The following ZFHX4 variants were observed in gnomAD, a reference collection of about 807,000 sequenced individuals.
ZFHX4 encodes zinc finger homeobox 4.
A neutral mutation model predicts 267.6 loss-of-function variants in ZFHX4; 56 were observed. The observed-to-expected ratio is 0.21, with a 90% CI of 0.17 to 0.26. The LOEUF (loss-of-function observed/expected upper bound fraction) is 0.26. Among genes scored for constraint, ZFHX4 ranks in the 10% least tolerant of loss-of-function variants. ZFHX4 has a pLI of 1.00. For missense variants in ZFHX4, 4,332 were observed against 4,420.0 expected, an observed-to-expected ratio of 0.98 and a Z score of 0.56; for synonymous variants, 1,778 against 1,665.6, an observed-to-expected ratio of 1.07 and a Z score of -1.64.
intron 3 of ZFHX4, among the ~76,000 whole-genome samples, chr8:76,738,916 T>G (rs1809244281): frequency 6.6e-6 from 1 of 152,028 alleles, no homozygotes; most frequent in African/African-American, 2.4e-5. Flanking sequence ...GGTTTTACCA[T>G]GTTGCCCAGG....
intron 3 of ZFHX4, among the ~76,000 whole-genome samples, chr8:76,712,496 A>T (rs1033834712): frequency 1.3e-5 from 2 of 152,166 alleles, no homozygotes; most frequent in African/African-American, 4.8e-5. Context: ...TGCAATTTAA[A>T]ATCAAATATA....
chr8:76,790,647 G>T (rs1366777011), intron 4 of ZFHX4, among the ~76,000 whole-genome samples: 1 of 152,042 alleles, frequency 6.6e-6, no homozygotes, highest in South Asian at 2.1e-4. Context: ...AATCAAGTTT[G>T]GTCTTCTGTG....
At position 76,854,671 on chromosome 8, in the gene ZFHX4, G is replaced by C. The variant is rs774272950; in HGVS notation, c.7750G>C (p.Asp2584His). The change falls in exon 10 of 11, where the codon GAT becomes CAT. Residue 2584 changes from aspartate (D) to histidine (H), a missense_variant. Physicochemically the swap from Asp to His is moderately conservative, Grantham distance 81. Transcript: ENST00000651372. ...TGCTTCCCTAAAAAGGAAACTAGAC[G>C]ATAAAGAAGATAATAATTGCAGTGA... ...VAASLKRKLD[D>H]KEDNNCSEKE... 4.4e-5 allele frequency: 71 copies of C among 1,613,508 alleles called. No individual in the cohort carries two copies. Among genetic ancestry groups the C allele is most frequent in the Non-Finnish European group, 5.7e-5 (67 of 1,179,852 alleles).
In ZFHX4 at chr8:76,705,536, A is replaced by C; in HGVS notation, c.1448A>C (p.Asp483Ala). The change falls in exon 2 of 11, where the codon GAT becomes GCT. Residue 483 changes from aspartate to alanine, a missense_variant. This residue lies in a region of ZFHX4 where 1,195 missense variants were observed against 1,173.6 expected (regional missense o/e 1.02). Transcript: ENST00000651372. ...GAAGATGCGTACTCCAATGAACTTG[A>C]TGACGAGGAAGTATTAGGTGAACTC... ...DEEDAYSNEL[D>A]DEEVLGELTD... The C allele has an allele frequency of 6.2e-7, 1 of 1,613,628 alleles. No individual in the cohort carries two copies. Among genetic ancestry groups the C allele is most frequent in the Non-Finnish European group, 8.5e-7 (1 of 1,179,696 alleles).
chr8:76,851,817 G>A lies in ZFHX4; in HGVS notation c.4896G>A (p.Val1632=). 2 of 1,613,932 alleles carry A rather than the reference G, an allele frequency of 1.2e-6. No individual in the cohort carries two copies. Among genetic ancestry groups the A allele is most frequent in the Non-Finnish European group, 1.7e-6 (2 of 1,179,864 alleles). ...RAAKLEPSGH[V]AGGHSIAANV... is the part of the protein sequence containing the mutation. ...CAAAGCTGGAGCCCAGTGGTCATGT[G>A]GCTGGTGGGCACAGCATTGCAGCAA... Residue 1632 remains valine, a synonymous_variant, in exon 10 of 11, where the codon GTG becomes GTA. Transcript: ENST00000651372.
At chr8:76,703,977 TG>T in intron 1 of ZFHX4, 65 bp from the exon 2 acceptor site, 2 of 1,094,018 alleles carry the variant, frequency 1.8e-6, no homozygotes, top group Non-Finnish European at 2.6e-6. Flanking sequence ...AAATTAGTGA[TG>T]GGCTATTAGT....
At chr8:76,753,138 C>A (rs550278608) in intron 3 of ZFHX4, among the ~76,000 whole-genome samples, 1 of 152,236 alleles carries the variant, frequency 6.6e-6, no homozygotes, top group Non-Finnish European at 1.5e-5. Context: ...ATCCATAAGT[C>A]AACAACATAG....
At chr8:76,796,183 A>G (rs748371260) in intron 4 of ZFHX4, among the ~76,000 whole-genome samples, 24 of 151,420 alleles carry the variant, frequency 1.6e-4, no homozygotes, top group Non-Finnish European at 3.2e-4. Flanking sequence ...ATTGGGAAAT[A>G]ATGAAAATGA....
intron 3 of ZFHX4, among the ~76,000 whole-genome samples, chr8:76,736,082 G>T (rs1165962761): frequency 6.6e-6 from 1 of 151,746 alleles, no homozygotes; most frequent in Non-Finnish European, 1.5e-5. Flanking sequence ...AAAGCAAGAT[G>T]CCATTAAAAT....
intron 4 of ZFHX4, among the ~76,000 whole-genome samples, chr8:76,806,287 A>G (rs1811243749): frequency 6.6e-6 from 1 of 152,122 alleles, no homozygotes; most frequent in Non-Finnish European, 1.5e-5. Context: ...ATAACGAGTG[A>G]ACACAGGGAA....
At chr8:76,810,109 A>C (rs1811338649) in intron 4 of ZFHX4, among the ~76,000 whole-genome samples, 1 of 152,192 alleles carries the variant, frequency 6.6e-6, no homozygotes. Flanking sequence ...ACATAGTTTT[A>C]ACATTTGTTA....
At chr8:76,778,094 T>C in intron 3 of ZFHX4, 114 bp from the exon 4 acceptor site, 1 of 702,578 alleles carries the variant, frequency 1.4e-6, no homozygotes, top group Non-Finnish European at 2.6e-6. Flanking sequence ...ATAAGAAAAA[T>C]GCATTTGAGC....
At chr8:76,771,754 G>A (rs753556754) in intron 3 of ZFHX4, among the ~76,000 whole-genome samples, 11 of 152,136 alleles carry the variant, frequency 7.2e-5, no homozygotes, top group Admixed American at 3.9e-4. Context: ...GTTATTGTCC[G>A]AATTGATTAG....
intron 4 of ZFHX4, among the ~76,000 whole-genome samples, chr8:76,790,554 A>G (rs2311736): frequency 0.13 from 20,389 of 152,134 alleles, 2,269 homozygotes; most frequent in African/African-American, 0.3. Context: ...AATTCTCTAC[A>G]TAAAGAATTA....
rs1438213764 is a variant in ZFHX4 at position 76,854,012 on chromosome 8, G to A, written c.7091G>A (p.Cys2364Tyr). 2 of 1,613,802 alleles carry A rather than the reference G, an allele frequency of 1.2e-6. No homozygotes were observed. Among genetic ancestry groups the A allele is most frequent in the East Asian group, 2.2e-5 (1 of 44,878 alleles). ...DATDQVVYKH[C>Y]TVSGQTDAAK... ...ACTGATCAAGTGGTATACAAGCATT[G>A]CACAGTGTCTGGCCAAACGGATGCA... The change falls in exon 10 of 11, where the codon TGC becomes TAC. Residue 2364 changes from cysteine (C) to tyrosine (Y), a missense_variant. Physicochemically the swap from Cys to Tyr is radical, Grantham distance 194. Around this residue, in one of 7 missense-constraint regions of ZFHX4, gnomAD observed 1,648 missense variants for 1,625.0 expected, o/e 1.01. Transcript: ENST00000651372.
At chr8:76,682,246 A>C (rs973608376) in intron 1 of ZFHX4, among the ~76,000 whole-genome samples, 1 of 150,538 alleles carries the variant, frequency 6.6e-6, no homozygotes, top group African/African-American at 2.4e-5. Context: ...TCCACCCCCC[A>C]CCCCACCTTA....
intron 3 of ZFHX4, among the ~76,000 whole-genome samples, chr8:76,746,834 C>T (rs1172449048): frequency 6.6e-6 from 1 of 152,132 alleles, no homozygotes; most frequent in African/African-American, 2.4e-5. Flanking sequence ...CTCCTTGGTA[C>T]AGTCATTTCA....
In ZFHX4 at chr8:76,824,597, G is replaced by A. The variant is rs149552443; in HGVS notation, c.3326-8741G>A. Among the ~76,000 whole-genome samples the A allele has an allele frequency of 2.1e-3, 323 of 152,180 alleles. 3 individuals carry two copies. The highest frequency in any genetic ancestry group is 7.3e-3 in the African/African-American group (303 of 41,518). ...ATTTTTATTTTCATTTTTTGAGACA[G>A]GGTCTCACTTTGATCCTGAGACTAG... On this transcript the variant is annotated intron_variant, in intron 4 of 10. Transcript: ENST00000651372.
chr8:76,805,590 C>G (rs1563532480), intron 4 of ZFHX4, among the ~76,000 whole-genome samples: 1 of 138,528 alleles, frequency 7.2e-6, no homozygotes, highest in South Asian at 2.3e-4. Flanking sequence ...GACACTTAGG[C>G]TTTTTTTTTT....
Sources: gnomAD v4.1 joint callset for allele counts (sites outside exome capture counted in the v4.1 genomes callset) on GRCh38, gnomAD v4.1.1 for gene constraint, gnomAD v4.1.1 regional missense constraint, MANE v1.5 for transcripts, NCBI Gene and HGNC (gene_info 2026-07-23, HGNC 2026-07-21) for gene names.